The following DDX50 variants were observed in gnomAD, a reference collection of about 807,000 sequenced individuals.
DDX50 encodes ATP-dependent RNA helicase DDX50.
In DDX50, 56 loss-of-function variants were observed where a neutral mutation model predicts 94.8. That is an observed-to-expected ratio of 0.59 (90% CI 0.48 to 0.74). DDX50 has a LOEUF of 0.74. Among genes scored for constraint, DDX50 ranks in the 30% least tolerant of loss-of-function variants. DDX50 has a pLI of 0.00. For synonymous variants in DDX50, 264 were observed against 295.4 expected (o/e 0.89, Z 1.09); for missense variants, 713 against 881.2 (o/e 0.81, Z 2.42).
In DDX50 at chr10:68,938,405, G is replaced by A. The variant is rs754740599; in HGVS notation, c.1755+1310G>A. On this transcript the variant is annotated intron_variant, in intron 12 of 14. Transcript: ENST00000373585. ...GCTCAGAGATTTTTTACTTATTCAAGTATAAGTGAGGGGAGTTTCTTGGTG... is the reference window on the plus strand; with the variant it reads ...GCTCAGAGATTTTTTACTTATTCAAATATAAGTGAGGGGAGTTTCTTGGTG... Among the ~76,000 whole-genome samples, 21 of 152,198 alleles carry A rather than the reference G, an allele frequency of 1.4e-4. 1 individual carries two copies. Among genetic ancestry groups the A allele is most frequent in the Admixed American group, 1.2e-3 (19 of 15,278 alleles).
In DDX50 at chr10:68,934,108, A is replaced by ATGTTTTT; in HGVS notation, c.1240-91_1240-90insTGTTTTT. ...TAAAATCATCAAAGTAAGATTTAAA[A>ATGTTTTT]ACATGCAAAAGGAGCACAGACTAGA... On this transcript the variant is annotated intron_variant, in intron 8 of 14. Transcript: ENST00000373585. This position sits in a 1 kb window ranked among gnomAD's most constrained non-coding sequence, Gnocchi z 4.0. The ATGTTTTT allele has an allele frequency of 3.1e-6, 4 of 1,304,612 alleles. No individual in the cohort carries two copies. The highest frequency in any genetic ancestry group is 3.5e-5 in the South Asian group (2 of 56,546). 80.8% of individuals were successfully genotyped at this position (1,304,612 alleles called of 1,614,324 possible).
intron 13 of DDX50, among the ~76,000 whole-genome samples, chr10:68,942,648 C>T (rs1842579943): frequency 1.3e-5 from 2 of 151,980 alleles, no homozygotes; most frequent in South Asian, 4.2e-4. Flanking sequence ...GGGTCTCACC[C>T]TGTCACCCAG....
intron 2 of DDX50, among the ~76,000 whole-genome samples, chr10:68,908,632 A>AT (rs1226661587): frequency 7.4e-6 from 1 of 134,920 alleles, no homozygotes; most frequent in African/African-American, 2.7e-5. Context: ...AGTTTTTAAA[A>AT]TTTCCTTTTT....
Position 68,934,440 on chromosome 10 carries a change from T to C in DDX50, c.1401+80T>C, listed in dbSNP as rs1842354298. ...TTAATTTACAACATATTGCTTGGGA[T>C]GTGAAAAATATGTCATCTCTTCTTG... is the stretch of plus-strand genomic sequence containing the variant. On this transcript the variant is annotated intron_variant, in intron 9 of 14. Coordinates refer to ENST00000373585, the MANE Select transcript of DDX50 (RefSeq NM_024045.2). This position sits in a 1 kb window ranked among gnomAD's most constrained non-coding sequence, Gnocchi z 4.0. 4 of 1,570,642 alleles carry C rather than the reference T, an allele frequency of 2.5e-6. No homozygotes were observed. Among genetic ancestry groups the C allele is most frequent in the Non-Finnish European group, 3.4e-6 (4 of 1,159,992 alleles).
chr10:68,921,557 A>G (rs1841940628), intron 8 of DDX50, among the ~76,000 whole-genome samples: 1 of 152,126 alleles, frequency 6.6e-6, no homozygotes, highest in African/African-American at 2.4e-5. Flanking sequence ...CAGGAGGTAT[A>G]TATGTCTAGT....
Position 68,928,517 on chromosome 10 carries a change from T to A in DDX50, c.1240-5682T>A, listed in dbSNP as rs112067153. Among the ~76,000 whole-genome samples the A allele has an allele frequency of 2.5e-3, 388 of 152,272 alleles. 1 individual carries two copies. Among genetic ancestry groups the A allele is most frequent in the African/African-American group, 8.4e-3 (347 of 41,546 alleles). On this transcript the variant is annotated intron_variant, in intron 8 of 14. Coordinates refer to ENST00000373585, the MANE Select transcript of DDX50 (RefSeq NM_024045.2). ...GAGACTTCATCTCTATATTATTTTTTAAAAAATTGTTTATTTAAAGCATTT... is the reference window on the plus strand; with the variant it reads ...GAGACTTCATCTCTATATTATTTTTAAAAAAATTGTTTATTTAAAGCATTT...
At chr10:68,940,694 A>C (rs1237265980) in intron 12 of DDX50, among the ~76,000 whole-genome samples, 3 of 152,110 alleles carry the variant, frequency 2.0e-5, no homozygotes, top group Non-Finnish European at 2.9e-5. Context: ...CTGAGATTAC[A>C]GGTGTGAGCC....
At chr10:68,915,382 C>T (rs1418401379) in intron 7 of DDX50, among the ~76,000 whole-genome samples, 4 of 149,700 alleles carry the variant, frequency 2.7e-5, no homozygotes, top group East Asian at 2.0e-4. Context: ...CACTGCACTC[C>T]AGCTTGGGTG....
At chr10:68,912,059 A>G (rs1179827115) in intron 4 of DDX50, among the ~76,000 whole-genome samples, 2 of 152,232 alleles carry the variant, frequency 1.3e-5, no homozygotes, top group Non-Finnish European at 2.9e-5. Context: ...ATTAAATCAT[A>G]ATAGTCTTGG....
intron 8 of DDX50, among the ~76,000 whole-genome samples, chr10:68,926,949 G>A (rs1027754769): frequency 3.3e-5 from 5 of 151,906 alleles, no homozygotes; most frequent in Admixed American, 6.6e-5. Flanking sequence ...GTCTTACTCC[G>A]TCGCCCAGGC....
chr10:68,914,147 A>G lies in DDX50; in HGVS notation c.1032A>G (p.Arg344=), dbSNP rs950683138. 2 of 1,612,238 alleles carry G rather than the reference A, an allele frequency of 1.2e-6. No homozygotes were observed. The highest frequency in any genetic ancestry group is 2.2e-5 in the East Asian group (1 of 44,678). Residue 344 remains arginine, a synonymous_variant, in exon 7 of 15, where the codon AGA becomes AGG. Transcript: ENST00000373585. ...YKVAKKYMKS[R]YEQVDLVGKM... is the part of the protein sequence containing the mutation. The stretch of plus-strand genomic sequence containing the variant: ...TTGCAAAAAAATACATGAAATCCAG[A>G]TATGAACAGGTTGACCTTGTTGGAA...
Position 68,901,357 on chromosome 10 carries a change from G to A in DDX50, c.-28G>A. The A allele has an allele frequency of 6.5e-7, 1 of 1,527,290 alleles. No individual in the cohort carries two copies. The highest frequency in any genetic ancestry group is 1.2e-5 in the South Asian group (1 of 81,666). The allele number at this position is 1,527,290 out of a possible 1,614,324, so 94.6% of individuals were successfully genotyped here. A position where few individuals can be genotyped will look rare whatever the true frequency, so the allele number is the denominator to read the frequency against. On this transcript the variant is annotated 5_prime_UTR_variant, in exon 1 of 15. Transcript: ENST00000373585. ...GCCCGTAGGTGGTTGTGGCCACTGT[G>A]CCCGGAGGGAGGCGGCGGTGGCCAG...
In DDX50 at chr10:68,930,114, CTTTTTTTTT is replaced by C. The variant is rs34023657; in HGVS notation, c.1240-4071_1240-4063del. On this transcript the variant is annotated intron_variant, in intron 8 of 14. Coordinates refer to ENST00000373585, the MANE Select transcript of DDX50 (RefSeq NM_024045.2). The stretch of plus-strand genomic sequence containing the variant: ...TTCCTTCCTTCCTTTCTTTCCTTTC[CTTTTTTTTT>C]TTTTTTTTTTTTTGATGGAGTTTCG... Among the ~76,000 whole-genome samples, 4 of 99,770 alleles carry C rather than the reference CTTTTTTTTT, an allele frequency of 4.0e-5. No homozygotes were observed. The East Asian group carries it at 7.5e-4, about 19-fold the overall frequency. 65.5% of individuals were successfully genotyped at this position (99,770 alleles called of 152,430 possible).
chr10:68,925,100 T>A, intron 8 of DDX50, among the ~76,000 whole-genome samples: 1 of 109,196 alleles, frequency 9.2e-6, no homozygotes, highest in African/African-American at 5.0e-5. Context: ...TCATGGTTTT[T>A]TTTTTTTTTT....
chr10:68,913,389 A>G lies in DDX50; in HGVS notation c.758-2A>G. ...ATTGGTGGCATTTCTCTCTTCTCAC[A>G]GTTAATCATATTCGAAATGGTATTG... On this transcript the variant is annotated splice_acceptor_variant, in intron 5 of 14. Transcript: ENST00000373585. LOFTEE classifies it high-confidence loss of function. 1 of 1,610,624 alleles carries G rather than the reference A, an allele frequency of 6.2e-7. No individual in the cohort carries two copies. The highest frequency in any genetic ancestry group is 8.5e-7 in the Non-Finnish European group (1 of 1,178,682).
intron 7 of DDX50, among the ~76,000 whole-genome samples, chr10:68,919,185 T>C (rs945754164): frequency 1.3e-5 from 2 of 152,220 alleles, no homozygotes; most frequent in African/African-American, 2.4e-5. Context: ...ATCCCTGTCA[T>C]GAAGCAACGC....
chr10:68,937,214 A>G (rs1842444897), intron 12 of DDX50, 119 bp downstream of exon 12: 15 of 1,100,856 alleles, frequency 1.4e-5, no homozygotes, highest in Admixed American at 3.2e-5. Flanking sequence ...TCTATGAGAA[A>G]CTGGTCTCCT....
intron 8 of DDX50, among the ~76,000 whole-genome samples, chr10:68,930,554 G>T (rs1386388304): frequency 7.4e-5 from 2 of 27,146 alleles, no homozygotes; most frequent in African/African-American, 4.8e-4. Context: ...CTTGAATTCA[G>T]TTATGGTGTA....
chr10:68,942,256 CTG>C (rs34138625), intron 13 of DDX50, among the ~76,000 whole-genome samples: 17,922 of 152,140 alleles, frequency 0.12, 1,337 homozygotes, highest in Admixed American at 0.18. Context: ...AAAATTAAAA[CTG>C]TAATCTTGTG....
Sources: allele counts gnomAD v4.1 joint callset (sites outside exome capture counted in the v4.1 genomes callset), GRCh38; gene constraint gnomAD v4.1.1; non-coding constraint Gnocchi (gnomAD v3.1); transcripts MANE v1.5; gene names NCBI Gene and HGNC (gene_info 2026-07-23, HGNC 2026-07-21).